UBE3D: variants seen among roughly 807,000 people sequenced by gnomAD.
UBE3D encodes the protein ubiquitin protein ligase E3D, also known as E3 ubiquitin-protein ligase E3D.
In UBE3D, 48 loss-of-function variants were observed where a neutral mutation model predicts 49.6. The ratio of observed to expected loss-of-function variants is 0.97; its 90% CI spans 0.77 to 1.23. The LOEUF (loss-of-function observed/expected upper bound fraction) is 1.23. UBE3D is among the 50% of genes most tolerant of loss of function. The pLI is 0.00. For synonymous variants in UBE3D, 189 were observed against 174.2 expected (o/e 1.08, Z -0.67); for missense variants, 452 against 468.4 (o/e 0.96, Z 0.32).
intron 8 of UBE3D, among the ~76,000 whole-genome samples, chr6:82,992,283 C>T (rs1044640670): frequency 7.2e-6 from 1 of 138,518 alleles, no homozygotes; most frequent in Non-Finnish European, 1.5e-5. Flanking sequence ...AGTGGAATGG[C>T]ACGATCTCAG....
At chr6:82,906,763 C>G (rs1384349811) in intron 9 of UBE3D, among the ~76,000 whole-genome samples, 1 of 152,116 alleles carries the variant, frequency 6.6e-6, no homozygotes, top group Non-Finnish European at 1.5e-5. Flanking sequence ...AAGAAAACAC[C>G]CTGCTTCAAG....
At chr6:82,945,606 C>T (rs1775344706) in intron 9 of UBE3D, among the ~76,000 whole-genome samples, 1 of 152,126 alleles carries the variant, frequency 6.6e-6, no homozygotes, top group Non-Finnish European at 1.5e-5. Context: ...CAGATACTGA[C>T]AAGCATCAAT....
chr6:82,977,404 C>T (rs1475611524), intron 8 of UBE3D, among the ~76,000 whole-genome samples: 1 of 152,132 alleles, frequency 6.6e-6, no homozygotes, highest in Non-Finnish European at 1.5e-5. Context: ...CATCCTTTCA[C>T]CCATCTATCC....
At chr6:83,003,750 T>G (rs1424635099) in intron 8 of UBE3D, among the ~76,000 whole-genome samples, 4 of 152,166 alleles carry the variant, frequency 2.6e-5, no homozygotes, top group African/African-American at 4.8e-5. Context: ...ACAGGAAAGA[T>G]AGAGTATTAT....
chr6:82,905,119 G>A (rs1772005687), intron 9 of UBE3D, among the ~76,000 whole-genome samples: 1 of 152,082 alleles, frequency 6.6e-6, no homozygotes, highest in Admixed American at 6.6e-5. Flanking sequence ...GAAACTATTT[G>A]GCTGAATAGT....
chr6:83,042,693 G>C (rs192931154), intron 4 of UBE3D, among the ~76,000 whole-genome samples: 3 of 152,072 alleles, frequency 2.0e-5, no homozygotes, highest in African/African-American at 7.2e-5. Context: ...CCTTTGTGTC[G>C]TTTCAATTTC....
At chr6:82,941,040 C>T (rs968941422) in intron 9 of UBE3D, among the ~76,000 whole-genome samples, 8 of 151,944 alleles carry the variant, frequency 5.3e-5, no homozygotes, top group Admixed American at 2.0e-4. Context: ...CGGTGAAACC[C>T]CATCTCTATT....
chr6:83,038,156 A>G lies in UBE3D; in HGVS notation c.667+260T>C, dbSNP rs145612610. 5.0e-3 allele frequency: 1,430 copies of G among 287,288 alleles called. 35 individuals are homozygous for G. The South Asian group carries it at 0.053, about 11-fold the overall frequency. 17.8% of individuals were successfully genotyped at this position (287,288 alleles called of 1,614,324 possible). A position where few individuals can be genotyped will look rare whatever the true frequency, so the allele number is the denominator to read the frequency against. ...AGAACAAACTTTATACTATTGCTTT[A>G]TATCTACAAAGAGGCTATGAAACTC... On this transcript the variant is annotated intron_variant, in intron 5 of 9. Transcript: ENST00000369747.
At chr6:83,004,292 C>T (rs772028719) in intron 8 of UBE3D, among the ~76,000 whole-genome samples, 2 of 152,108 alleles carry the variant, frequency 1.3e-5, no homozygotes, top group Non-Finnish European at 1.5e-5. Flanking sequence ...TTCACAGTGG[C>T]CTTTTCACAT....
chr6:82,883,389 T>C, the UBE3D span, among the ~76,000 whole-genome samples: 2 of 152,148 alleles, frequency 1.3e-5, no homozygotes, highest in Non-Finnish European at 2.9e-5. Context: ...CCAATATGAA[T>C]GTCCCCAGTA....
intron 8 of UBE3D, among the ~76,000 whole-genome samples, chr6:82,988,440 C>T (rs1488696421): frequency 1.3e-5 from 2 of 152,052 alleles, no homozygotes; most frequent in African/African-American, 4.8e-5. Flanking sequence ...CAGACTGACC[C>T]TCTCAGTGAA....
intron 9 of UBE3D, among the ~76,000 whole-genome samples, chr6:82,936,905 C>T (rs758854160): frequency 2.6e-5 from 4 of 152,104 alleles, no homozygotes; most frequent in Non-Finnish European, 4.4e-5. Flanking sequence ...ATCAGTTTAG[C>T]GCAGGAGGAA....
chr6:83,058,209 GA>G (rs1303014213), intron 1 of UBE3D, among the ~76,000 whole-genome samples, 187 bp from the exon 2 acceptor site: 4 of 152,186 alleles, frequency 2.6e-5, no homozygotes, highest in African/African-American at 9.7e-5. Context: ...GATCTGATCA[GA>G]GTGCCCTTCA....
At chr6:82,906,362 T>C (rs1713520246) in intron 9 of UBE3D, among the ~76,000 whole-genome samples, 1 of 139,768 alleles carries the variant, frequency 7.2e-6, no homozygotes, top group African/African-American at 3.3e-5. Context: ...TATGAATTCA[T>C]GGATTTGAAA....
intron 8 of UBE3D, among the ~76,000 whole-genome samples, chr6:82,992,453 C>T (rs929110625): frequency 3.3e-5 from 5 of 152,036 alleles, no homozygotes; most frequent in Admixed American, 1.3e-4. Flanking sequence ...AAACTACTGA[C>T]CTCAGGTGAT....
chr6:83,025,776 G>A (rs559013272), intron 5 of UBE3D, among the ~76,000 whole-genome samples: 19 of 151,696 alleles, frequency 1.3e-4, no homozygotes, highest in South Asian at 8.3e-4. Flanking sequence ...CCAGCTACTC[G>A]GGAGGGTGAG....
Position 82,912,445 on chromosome 6 carries a change from AT to A in UBE3D, c.1150-19404del, listed in dbSNP as rs1004784676. Among the ~76,000 whole-genome samples the A allele has an allele frequency of 3.6e-3, 525 of 146,808 alleles. 3 individuals carry two copies. Among genetic ancestry groups the A allele is most frequent in the African/African-American group, 0.01 (417 of 40,152 alleles). On this transcript the variant is annotated intron_variant, in intron 9 of 9. Transcript: ENST00000369747. ...TGAGCTATTAAACTGGAATTTTTGG[AT>A]TTTTTTTTTTAATCAAGGCTTTGTC... is the stretch of plus-strand genomic sequence containing the variant.
At chr6:82,963,264 C>T (rs182566226) in intron 8 of UBE3D, among the ~76,000 whole-genome samples, 1 of 144,316 alleles carries the variant, frequency 6.9e-6, no homozygotes, top group Non-Finnish European at 1.5e-5. Context: ...GCTTGGCATA[C>T]TGAATTCATA....
intron 9 of UBE3D, among the ~76,000 whole-genome samples, 193 bp from the exon 10 acceptor site, chr6:82,893,235 T>C (rs554815314): frequency 4.6e-5 from 7 of 152,288 alleles, no homozygotes; most frequent in East Asian, 3.9e-4. Context: ...TAATGAACCA[T>C]ATAGTAATTA....
Sources: gnomAD v4.1 joint callset for allele counts (sites outside exome capture counted in the v4.1 genomes callset) on GRCh38, gnomAD v4.1.1 for gene constraint, MANE v1.5 for transcripts, NCBI Gene and HGNC (gene_info 2026-07-23, HGNC 2026-07-21) for gene names.